KANSL1: variants seen among roughly 807,000 people sequenced by gnomAD.
The protein encoded by KANSL1 is MLL1/MLL complex subunit KANSL1.
KANSL1 carries 22 observed loss-of-function variants against 103.6 expected under a neutral mutation model. The observed-to-expected ratio is 0.21, with a 90% CI of 0.15 to 0.30. The LOEUF (loss-of-function observed/expected upper bound fraction) is 0.30, where lower values mean the gene tolerates loss of function less well. KANSL1 is among the 10% of genes least tolerant of loss of function. KANSL1 has a pLI of 1.00. For synonymous variants in KANSL1, 600 were observed against 527.6 expected, an observed-to-expected ratio of 1.14 and a Z score of -1.88; for missense variants, 1,337 against 1,399.8, an observed-to-expected ratio of 0.96 and a Z score of 0.72.
intron 1 of KANSL1, among the ~76,000 whole-genome samples, chr17:46,211,006 G>T (rs1039870825): frequency 6.6e-6 from 1 of 152,050 alleles, no homozygotes; most frequent in African/African-American, 2.4e-5. Flanking sequence ...CTAAAAAGGT[G>T]GTTCTTACCT....
At chr17:46,128,456 T>C (rs2043683034) in intron 2 of KANSL1, among the ~76,000 whole-genome samples, 2 of 152,012 alleles carry the variant, frequency 1.3e-5, no homozygotes, top group Non-Finnish European at 2.9e-5. Flanking sequence ...CAAAAAAAAG[T>C]GTGTGTATGC....
chr17:46,177,323 T>C (rs2046568141), intron 1 of KANSL1, among the ~76,000 whole-genome samples: 1 of 152,254 alleles, frequency 6.6e-6, no homozygotes, highest in South Asian at 2.1e-4. Context: ...GGCTTTTTAA[T>C]GCACCTAGTT....
At chr17:46,154,722 C>T (rs1464858912) in intron 2 of KANSL1, among the ~76,000 whole-genome samples, 3 of 152,204 alleles carry the variant, frequency 2.0e-5, no homozygotes, top group African/African-American at 7.2e-5. Context: ...GTATGCTTTT[C>T]TTAGAGCTGG....
upstream of KANSL1, among the ~76,000 whole-genome samples, chr17:46,197,105 C>A (rs1238971964): frequency 5.3e-5 from 8 of 151,890 alleles, no homozygotes; most frequent in African/African-American, 1.9e-4. Flanking sequence ...CAGAGCAACA[C>A]CCCGTCTCCA....
intron 2 of KANSL1, among the ~76,000 whole-genome samples, chr17:46,123,988 T>C (rs2043400015): frequency 6.8e-6 from 1 of 147,632 alleles, no homozygotes; most frequent in Admixed American, 6.8e-5. Flanking sequence ...GAGAGGAGAA[T>C]GCTTGACTTC....
intron 2 of KANSL1, among the ~76,000 whole-genome samples, chr17:46,130,491 T>C (rs1598706250): frequency 6.6e-6 from 1 of 152,182 alleles, no homozygotes; most frequent in African/African-American, 2.4e-5. Flanking sequence ...GGAGCACAGA[T>C]AAAAGGACCT....
intron 2 of KANSL1, among the ~76,000 whole-genome samples, chr17:46,096,401 A>C (rs1436413517): frequency 6.9e-6 from 1 of 145,140 alleles, no homozygotes; most frequent in Non-Finnish European, 1.5e-5. Flanking sequence ...CTCACCACCA[A>C]CCTTCGCCTC....
At chr17:46,039,949 A>G (rs923859206) in intron 7 of KANSL1, 65 bp from the exon 8 acceptor site, 2 of 1,443,366 alleles carry the variant, frequency 1.4e-6, no homozygotes, top group Admixed American at 1.7e-5. Context: ...TTCAAGACCT[A>G]CACTCCATCC....
intron 1 of KANSL1, among the ~76,000 whole-genome samples, chr17:46,187,376 A>G (rs561913716): frequency 2.0e-4 from 30 of 152,364 alleles, no homozygotes; most frequent in African/African-American, 5.3e-4. Context: ...CTTTTTCCAA[A>G]TAAGAGCAGA....
intron 1 of KANSL1, among the ~76,000 whole-genome samples, chr17:46,181,433 C>CT (rs796952871): frequency 0.013 from 1,948 of 147,328 alleles, 32 homozygotes; most frequent in African/African-American, 0.036. Flanking sequence ...GTTCCTCACA[C>CT]TTTTTTTTTT....
intron 2 of KANSL1, among the ~76,000 whole-genome samples, chr17:46,116,057 A>G (rs929898549): frequency 2.6e-5 from 4 of 152,240 alleles, no homozygotes; most frequent in African/African-American, 4.8e-5. Context: ...GAATCCCCGG[A>G]ACCAAGCCTC....
At chr17:46,209,352 G>C (rs2048085798) in intron 1 of KANSL1, among the ~76,000 whole-genome samples, 1 of 152,282 alleles carries the variant, frequency 6.6e-6, no homozygotes, top group South Asian at 2.1e-4. Flanking sequence ...GAAGGTAGAG[G>C]GGAAAAGCTA....
intron 6 of KANSL1, among the ~76,000 whole-genome samples, chr17:46,058,735 A>ACT (rs2078024962): frequency 7.4e-5 from 4 of 54,002 alleles, no homozygotes; most frequent in South Asian, 1.1e-3. Context: ...ACACACACAC[A>ACT]CACACACACT....
In KANSL1 at chr17:46,173,661, G is replaced by C. The variant is rs549772819; in HGVS notation, c.-89-1429C>G. 5.9e-5 allele frequency among the ~76,000 whole-genome samples: 9 copies of C among 152,276 alleles called. No individual in the cohort carries two copies. The South Asian group carries it at 1.9e-3, about 32-fold the overall frequency. ...TTTGCAATCAGAGTACAAAAACAAAGGTGAACAAAACTGCTGGTACATTAT... is the reference window on the plus strand; with the variant it reads ...TTTGCAATCAGAGTACAAAAACAAACGTGAACAAAACTGCTGGTACATTAT... On this transcript the variant is annotated intron_variant, in intron 1 of 14. Transcript: ENST00000432791.
chr17:46,190,330 G>A (rs2047253937), intron 1 of KANSL1, among the ~76,000 whole-genome samples: 1 of 152,260 alleles, frequency 6.6e-6, no homozygotes, highest in African/African-American at 2.4e-5. Flanking sequence ...GTAACAAAGA[G>A]TGCTCTGCAG....
At chr17:46,095,388 G>A (rs1367433490) in intron 2 of KANSL1, among the ~76,000 whole-genome samples, 2 of 152,154 alleles carry the variant, frequency 1.3e-5, no homozygotes. Flanking sequence ...AAGGCATGAT[G>A]CAAATACACA....
At chr17:46,196,647 G>A, upstream of KANSL1, 1 of 311,154 alleles carries the variant, frequency 3.2e-6, no homozygotes, top group South Asian at 2.6e-5. Context: ...TTACAACAAT[G>A]TAACAATAAA....
At chr17:46,050,386 TTTTGCAAA>T in intron 7 of KANSL1, 139 bp downstream of exon 7, 1 of 772,988 alleles carries the variant, frequency 1.3e-6, no homozygotes, top group Non-Finnish European at 2.0e-6. Flanking sequence ...GTTACAGTCT[TTTTGCAAA>T]ATTCTAAGAG....
intron 2 of KANSL1, among the ~76,000 whole-genome samples, chr17:46,133,052 G>C (rs747279512): frequency 6.6e-5 from 10 of 152,130 alleles, no homozygotes; most frequent in Non-Finnish European, 1.5e-4. Flanking sequence ...CAAGTACCAG[G>C]GTGACCACTT....
Sources: gnomAD v4.1 joint callset for allele counts (sites outside exome capture counted in the v4.1 genomes callset) on GRCh38, gnomAD v4.1.1 for gene constraint, MANE v1.5 for transcripts, NCBI Gene and HGNC (gene_info 2026-07-23, HGNC 2026-07-21) for gene names.